The following TNIP3 variants were observed in gnomAD, a reference collection of about 807,000 sequenced individuals.
The protein encoded by TNIP3 is TNFAIP3 interacting protein 3, also known as TNFAIP3-interacting protein 3.
In TNIP3, 34 loss-of-function variants were observed where a neutral mutation model predicts 54.1. That is an observed-to-expected ratio of 0.63 (90% CI 0.48 to 0.84). The LOEUF (loss-of-function observed/expected upper bound fraction) is 0.84, where lower values mean the gene tolerates loss of function less well. Among genes scored for constraint, TNIP3 ranks in the 40% least tolerant of loss-of-function variants. The pLI is 0.00. For synonymous variants in TNIP3, 134 were observed against 136.8 expected (o/e 0.98, Z 0.14); for missense variants, 366 against 387.6 (o/e 0.94, Z 0.47).
intron 3 of TNIP3, among the ~76,000 whole-genome samples, chr4:121,173,104 C>T (rs758054289): frequency 8.5e-5 from 13 of 152,150 alleles, no homozygotes; most frequent in Non-Finnish European, 1.9e-4. Context: ...TTTAGTCTTC[C>T]TGGTTTACTT....
chr4:121,216,447 T>A, exon 2 of TNIP3: 1 of 1,535,870 alleles, frequency 6.5e-7, no homozygotes, highest in Middle Eastern at 1.7e-4. Context: ...TGGTGAACAT[T>A]ACCAGTTTAT....
At chr4:121,167,991 T>C (rs1035746994), upstream of TNIP3, among the ~76,000 whole-genome samples, 1 of 152,120 alleles carries the variant, frequency 6.6e-6, no homozygotes, top group Admixed American at 6.5e-5. Context: ...GCCTTCCCTG[T>C]TACAATTAAT....
intron 2 of TNIP3, among the ~76,000 whole-genome samples, chr4:121,203,876 TATA>T (rs1450965999): frequency 6.6e-6 from 1 of 150,480 alleles, no homozygotes; most frequent in Admixed American, 6.6e-5. Flanking sequence ...TTTATACAAA[TATA>T]AGTAGAGTAT....
At chr4:121,173,206 A>T (rs1724077664) in intron 3 of TNIP3, among the ~76,000 whole-genome samples, 1 of 152,232 alleles carries the variant, frequency 6.6e-6, no homozygotes, top group Non-Finnish European at 1.5e-5. Context: ...ATGGAAAAGC[A>T]TCGCAGGAGC....
chr4:121,202,483 C>A (rs1236437267), intron 2 of TNIP3, among the ~76,000 whole-genome samples: 3 of 151,970 alleles, frequency 2.0e-5, no homozygotes, highest in Admixed American at 6.6e-5. Context: ...ATTGGAAAAA[C>A]CTTTCTAGAC....
intron 2 of TNIP3, among the ~76,000 whole-genome samples, chr4:121,214,081 G>GTCA (rs2148848855): frequency 6.6e-6 from 1 of 152,276 alleles, no homozygotes; most frequent in African/African-American, 2.4e-5. Flanking sequence ...TGAGAAAGGA[G>GTCA]TCAGTTCAGG....
intron 6 of TNIP3, among the ~76,000 whole-genome samples, chr4:121,147,423 G>A (rs1579385253): frequency 6.6e-6 from 1 of 152,140 alleles, no homozygotes; most frequent in Non-Finnish European, 1.5e-5. Flanking sequence ...ATACTGACAT[G>A]CCCAAGTTTC....
At chr4:121,153,464 A>C (rs898532961) in intron 5 of TNIP3, among the ~76,000 whole-genome samples, 2 of 152,166 alleles carry the variant, frequency 1.3e-5, no homozygotes, top group East Asian at 3.8e-4. Context: ...CCTTTAATGC[A>C]TTTGTGCAAC....
At chr4:121,199,001 C>T (rs1242112036) in intron 2 of TNIP3, among the ~76,000 whole-genome samples, 2 of 152,068 alleles carry the variant, frequency 1.3e-5, no homozygotes, top group Non-Finnish European at 2.9e-5. Context: ...TCTTTGATGG[C>T]CAGAGTCACA....
upstream of TNIP3, among the ~76,000 whole-genome samples, chr4:121,220,350 G>A: frequency 6.6e-6 from 1 of 152,144 alleles, no homozygotes. Context: ...TCTATTAGTG[G>A]TTGTCCACAT....
Position 121,181,078 on chromosome 4 carries a change from C to T in TNIP3, c.189+1598G>A, listed in dbSNP as rs142742494. On this transcript the variant is annotated intron_variant, in intron 3 of 12. Transcript: ENST00000507879. ...AGAGAGACATAAATTTCAGTGAAGT[C>T]CCAAAAGGAGACATAACCTGTAGCT... is the stretch of plus-strand genomic sequence containing the variant. Among the ~76,000 whole-genome samples, 259 of 152,204 alleles carry T rather than the reference C, an allele frequency of 1.7e-3. 1 individual carries two copies. Among genetic ancestry groups the T allele is most frequent in the African/African-American group, 5.9e-3 (247 of 41,518 alleles).
At chr4:121,151,896 C>G (rs892344203) in intron 5 of TNIP3, among the ~76,000 whole-genome samples, 6 of 152,162 alleles carry the variant, frequency 3.9e-5, no homozygotes, top group African/African-American at 1.4e-4. Context: ...TATGGATATC[C>G]TAAACAGATC....
chr4:121,215,766 G>T (rs952928982), intron 2 of TNIP3, among the ~76,000 whole-genome samples: 6 of 151,976 alleles, frequency 3.9e-5, no homozygotes, highest in African/African-American at 1.4e-4. Context: ...TGATGCTTAG[G>T]CATCTGCATG....
chr4:121,161,913 G>A (rs1730478157), intron 1 of TNIP3, among the ~76,000 whole-genome samples: 1 of 152,156 alleles, frequency 6.6e-6, no homozygotes, highest in South Asian at 2.1e-4. Flanking sequence ...TCTGCCATCT[G>A]CCTAAATCGA....
chr4:121,147,044 T>C lies in TNIP3; in HGVS notation c.735+5A>G. On this transcript the variant is annotated splice_donor_5th_base_variant and intron_variant, in intron 7 of 10. Transcript: ENST00000057513. Reference sequence around the variant, plus strand: ...TGGCAAAGATTATTTTGTTTTGACTTGTACCTGGGAATTCAGCCTGTTCAA... The same window carrying C: ...TGGCAAAGATTATTTTGTTTTGACTCGTACCTGGGAATTCAGCCTGTTCAA... 1 of 1,607,728 alleles carries C rather than the reference T, an allele frequency of 6.2e-7. No homozygotes were observed. Among genetic ancestry groups the C allele is most frequent in the South Asian group, 1.1e-5 (1 of 89,296 alleles).
intron 3 of TNIP3, among the ~76,000 whole-genome samples, chr4:121,179,298 T>C (rs1560673428): frequency 6.6e-6 from 1 of 152,192 alleles, no homozygotes; most frequent in Non-Finnish European, 1.5e-5. Flanking sequence ...ATTTAGGCAA[T>C]GTTTTAAAAT....
intron 2 of TNIP3, chr4:121,192,987 T>C (rs985474303): frequency 6.6e-6 from 1 of 152,140 alleles, no homozygotes; most frequent in African/African-American, 2.4e-5. Flanking sequence ...CCAATAACTT[T>C]CCTCGTATAT....
At chr4:121,134,585 G>T (rs550392705) in intron 10 of TNIP3, among the ~76,000 whole-genome samples, 1 of 152,138 alleles carries the variant, frequency 6.6e-6, no homozygotes, top group African/African-American at 2.4e-5. Context: ...GAAAACATTC[G>T]AAACCCTTCA....
intron 2 of TNIP3, among the ~76,000 whole-genome samples, chr4:121,198,290 T>C (rs889716879): frequency 1.3e-5 from 2 of 152,170 alleles, no homozygotes; most frequent in Admixed American, 6.5e-5. Context: ...AAGTAGCACA[T>C]GACCTTCATT....
Sources: allele counts gnomAD v4.1 joint callset (sites outside exome capture counted in the v4.1 genomes callset), GRCh38; gene constraint gnomAD v4.1.1; transcripts MANE v1.5; gene names NCBI Gene and HGNC (gene_info 2026-07-23, HGNC 2026-07-21).